DDX5: variants seen among roughly 807,000 people sequenced by gnomAD.
DDX5 encodes the protein probable ATP-dependent RNA helicase DDX5.
Under a neutral mutation model 68.6 loss-of-function variants are expected in DDX5, and 6 were observed. The ratio of observed to expected loss-of-function variants is 0.09; its 90% CI spans 0.05 to 0.17. DDX5 has a LOEUF of 0.17. Among genes scored for constraint, DDX5 ranks in the 10% least tolerant of loss-of-function variants. The pLI, the probability that DDX5 is intolerant of heterozygous loss-of-function variation, is 1.00. For synonymous variants in DDX5, 350 were observed against 247.0 expected (o/e 1.42, Z -3.91); for missense variants, 499 against 756.1 (o/e 0.66, Z 3.99).
chr17:64,503,145 A>G (rs1555671425), intron 7 of DDX5, 43 bp downstream of exon 7: 1 of 1,612,778 alleles, frequency 6.2e-7, no homozygotes, highest in Admixed American at 1.7e-5. Context: ...CTTAAGAGTG[A>G]AAACACAATT....
upstream of DDX5, chr17:64,506,381 G>A: frequency 7.1e-7 from 1 of 1,410,544 alleles, no homozygotes; most frequent in Non-Finnish European, 9.2e-7. Context: ...TAATCGCCCC[G>A]CCCCTCGCGC....
chr17:64,506,807 G>GA, upstream of DDX5: 1 of 571,728 alleles, frequency 1.7e-6, no homozygotes, highest in Non-Finnish European at 3.2e-6. Context: ...GGCTGATGTG[G>GA]ACCGTCCGAC....
chr17:64,505,857 A>T, intron 1 of DDX5: 1 of 1,535,974 alleles, frequency 6.5e-7, no homozygotes, highest in Non-Finnish European at 8.7e-7. Context: ...ACAGCTCCCC[A>T]ATCCCCACAC....
At chr17:64,503,749 A>G (rs1365197018) in intron 5 of DDX5, 54 bp downstream of exon 5, 1 of 1,569,040 alleles carries the variant, frequency 6.4e-7, no homozygotes, top group Admixed American at 1.8e-5. Flanking sequence ...TTAGCTATGT[A>G]GTCTAAAATC....
At position 64,498,699 on chromosome 17, in the gene DDX5, CA is replaced by C. The variant is rs139967983; in HGVS notation, c.*1223del. On this transcript the variant is annotated 3_prime_UTR_variant, in exon 13 of 13. Coordinates refer to ENST00000225792, the MANE Select transcript of DDX5 (RefSeq NM_004396.5). Reference sequence around the variant, plus strand: ...AGTCTCCTGAAGACCTCTCTTCTGGCAAAAAAAAACACGTATCAGACTCTGG... The same window carrying C: ...AGTCTCCTGAAGACCTCTCTTCTGGCAAAAAAAACACGTATCAGACTCTGG... Among the ~76,000 whole-genome samples, 1 of 149,418 alleles carries C rather than the reference CA, an allele frequency of 6.7e-6. No individual in the cohort carries two copies. Among genetic ancestry groups the C allele is most frequent in the Non-Finnish European group, 1.5e-5 (1 of 67,276 alleles).
rs145203687 is a variant in DDX5 at position 64,500,139 on chromosome 17, C to A, written c.1629G>T (p.Gly543=). Reference sequence around the variant, plus strand: ...CAGACACAAAATTACTTCCAAAGCTCCCATTGGTGTAATTTGCAGCACTGT... The same window carrying A: ...CAGACACAAAATTACTTCCAAAGCTACCATTGGTGTAATTTGCAGCACTGT... The part of the protein sequence containing the change: ...GVYSAANYTN[G]SFGSNFVSAG... Residue 543 remains glycine, a synonymous_variant, in exon 13 of 13, where the codon GGG becomes GGT. Transcript: ENST00000225792. 14 of 1,614,086 alleles carry A rather than the reference C, an allele frequency of 8.7e-6. No homozygotes were observed. The highest frequency in any genetic ancestry group is 8.5e-6 in the Non-Finnish European group (10 of 1,180,050).
chr17:64,500,469 A>AC, intron 12 of DDX5, 80 bp downstream of exon 12: 2 of 1,508,554 alleles, frequency 1.3e-6, no homozygotes, highest in Non-Finnish European at 1.8e-6. Context: ...GGTTTTACTC[A>AC]CCCTCCAATA....
intron 1 of DDX5, chr17:64,505,569 G>C (rs931501094): frequency 6.0e-5 from 41 of 680,614 alleles, no homozygotes; most frequent in Non-Finnish European, 9.5e-5. Flanking sequence ...TCCTCCGCCG[G>C]GCGGGGTAAC....
At position 64,502,909 on chromosome 17, in the gene DDX5, G is replaced by C. The variant is rs781941202; in HGVS notation, c.983+17C>G. The C allele has an allele frequency of 6.4e-7, 1 of 1,562,756 alleles. No homozygotes were observed. Among genetic ancestry groups the C allele is most frequent in the Non-Finnish European group, 8.7e-7 (1 of 1,154,978 alleles). On this transcript the variant is annotated intron_variant, in intron 8 of 12. Coordinates refer to ENST00000225792, the MANE Select transcript of DDX5 (RefSeq NM_004396.5). Reference sequence around the variant, plus strand: ...AAGTTGTTAGGAAGCAAATATAACAGAGTTAATAAAACTTACTTTTCATCC... The same window carrying C: ...AAGTTGTTAGGAAGCAAATATAACACAGTTAATAAAACTTACTTTTCATCC...
At chr17:64,502,395 A>G in intron 9 of DDX5, 44 bp downstream of exon 9, 3 of 1,516,716 alleles carry the variant, frequency 2.0e-6, no homozygotes, top group Non-Finnish European at 2.7e-6. Context: ...CCCTTTCCTA[A>G]GCTGTTTTAA....
In DDX5 at chr17:64,499,295, T is replaced by C. The variant is rs1165833050; in HGVS notation, c.*628A>G. Among the ~76,000 whole-genome samples, 2 of 152,210 alleles carry C rather than the reference T, an allele frequency of 1.3e-5. No homozygotes were observed. Among genetic ancestry groups the C allele is most frequent in the African/African-American group, 4.8e-5 (2 of 41,458 alleles). On this transcript the variant is annotated 3_prime_UTR_variant, in exon 13 of 13. Coordinates refer to ENST00000225792, the MANE Select transcript of DDX5 (RefSeq NM_004396.5). ...TATATAGATGACTTTGTATCTATTT[T>C]ACTATTTTCTCATTTAACCATACTA... is the stretch of plus-strand genomic sequence containing the variant.
Position 64,499,657 on chromosome 17 carries a change from T to C in DDX5, c.*266A>G, listed in dbSNP as rs2038246207. 1 of 352,264 alleles carries C rather than the reference T, an allele frequency of 2.8e-6. No homozygotes were observed. The highest frequency in any genetic ancestry group is 5.1e-6 in the Non-Finnish European group (1 of 195,258). The allele number at this position is 352,264 out of a possible 1,614,324, so 21.8% of individuals were successfully genotyped here. A position where few individuals can be genotyped will look rare whatever the true frequency, so the allele number is the denominator to read the frequency against. On this transcript the variant is annotated 3_prime_UTR_variant, in exon 13 of 13. Coordinates refer to ENST00000225792, the MANE Select transcript of DDX5 (RefSeq NM_004396.5). ...ATATTTTTTATTGGAAGGCCATGCA[T>C]TGCCTTCATTTATTGTATTTCAAAT...
At position 64,504,913 on chromosome 17, in the gene DDX5, C is replaced by A; in HGVS notation, c.45-71G>T. The A allele has an allele frequency of 2.0e-6, 3 of 1,466,892 alleles. No individual in the cohort carries two copies. The African/African-American group carries it at 4.3e-5, about 21-fold the overall frequency. The allele number at this position is 1,466,892 out of a possible 1,614,324, so 90.9% of individuals were successfully genotyped here. On this transcript the variant is annotated intron_variant, in intron 1 of 12. Coordinates refer to ENST00000225792, the MANE Select transcript of DDX5 (RefSeq NM_004396.5). ...CAGGTTTCTGTATAGATTTGTCATC[C>A]ATTGGCACAAGCTAAAAACCACTGA... is the stretch of plus-strand genomic sequence containing the variant.
rs782158885 is a variant in DDX5 at position 64,500,558 on chromosome 17, T to G, written c.1432A>C (p.Arg478=). The change falls in exon 12 of 13, where the codon AGA becomes CGA. Residue 478 remains arginine (R), a synonymous_variant. Transcript: ENST00000225792. Reference sequence around the variant, plus strand: ...TATCAGTCATCCTTACCTGAACCTCTGTCTTCGACCAACTGAAGCAACTTG... The same window carrying G: ...TATCAGTCATCCTTACCTGAACCTCGGTCTTCGACCAACTGAAGCAACTTG... ...NPKLLQLVED[R]GSGRSRGRGG... 1.9e-6 allele frequency: 3 copies of G among 1,613,508 alleles called. No individual in the cohort carries two copies. The highest frequency in any genetic ancestry group is 2.5e-6 in the Non-Finnish European group (3 of 1,179,648).
At position 64,499,826 on chromosome 17, in the gene DDX5, T is replaced by C; in HGVS notation, c.*97A>G. 9 of 1,213,482 alleles carry C rather than the reference T, an allele frequency of 7.4e-6. No individual in the cohort carries two copies. The highest frequency in any genetic ancestry group is 1.0e-5 in the Non-Finnish European group (9 of 896,192). 75.2% of individuals were successfully genotyped at this position (1,213,482 alleles called of 1,614,324 possible). On this transcript the variant is annotated 3_prime_UTR_variant, in exon 13 of 13. Coordinates refer to ENST00000225792, the MANE Select transcript of DDX5 (RefSeq NM_004396.5). Reference sequence around the variant, plus strand: ...ATTACTGCTGCACTGCAGTCATTTCTGCAATTCCCATGTTTCTTAAATAAC... The same window carrying C: ...ATTACTGCTGCACTGCAGTCATTTCCGCAATTCCCATGTTTCTTAAATAAC...
rs1323153181 is a variant in DDX5, at chr17:64,502,554, T to TA, written c.984-6dup. ...TCTTCCATTAGACGAATAAGTCTAA[T>TA]AATAGGAGAGAGAAAGGAAAAATCC... On this transcript the variant is annotated splice_polypyrimidine_tract_variant and splice_region_variant and intron_variant, in intron 8 of 12. Transcript: ENST00000225792. The TA allele has an allele frequency of 1.3e-6, 2 of 1,594,100 alleles. No individual in the cohort carries two copies. Among genetic ancestry groups the TA allele is most frequent in the African/African-American group, 2.7e-5 (2 of 74,326 alleles).
At position 64,506,244 on chromosome 17, in the gene DDX5, A is replaced by C. The variant is rs568634663; in HGVS notation, c.-125T>G. ...GCAGCGGAGGAAGGACACCGATGAC[A>C]CCAGCCGAAGCTGCACTACTAGAGA... On this transcript the variant is annotated 5_prime_UTR_variant, in exon 1 of 13. Transcript: ENST00000225792. 2.1e-5 allele frequency: 32 copies of C among 1,549,062 alleles called. No homozygotes were observed. Among genetic ancestry groups the C allele is most frequent in the Non-Finnish European group, 2.6e-5 (30 of 1,147,472 alleles).
At chr17:64,505,339 G>A (rs1337660814) in intron 1 of DDX5, 3 of 398,726 alleles carry the variant, frequency 7.5e-6, no homozygotes, top group Non-Finnish European at 9.2e-6. Flanking sequence ...AAACACTTCT[G>A]CTAGCAAACC....
Position 64,499,549 on chromosome 17 carries a change from A to G in DDX5, c.*374T>C, listed in dbSNP as rs6504236. The G allele has an allele frequency of 0.024, 5,691 of 234,394 alleles. 339 individuals carry two copies. Among genetic ancestry groups the G allele is most frequent in the African/African-American group, 0.12 (5,298 of 45,130 alleles). The allele number at this position is 234,394 out of a possible 1,614,324, so 14.5% of individuals were successfully genotyped here. A position where few individuals can be genotyped will look rare whatever the true frequency, so the allele number is the denominator to read the frequency against. ...GAAAAAAAAAACCAAACAAAAACAA[A>G]AAAAAAACCAGACCATCTTAAGCAA... On this transcript the variant is annotated 3_prime_UTR_variant, in exon 13 of 13. Transcript: ENST00000225792.
Sources: gnomAD v4.1 joint callset for allele counts (sites outside exome capture counted in the v4.1 genomes callset) on GRCh38, gnomAD v4.1.1 for gene constraint, MANE v1.5 for transcripts, NCBI Gene and HGNC (gene_info 2026-07-23, HGNC 2026-07-21) for gene names.